Variants in GPHN observed in about 807,000 individuals in gnomAD.
The protein encoded by GPHN is gephyrin.
Under a neutral mutation model 95.5 loss-of-function variants are expected in GPHN, and 17 were observed. That is an observed-to-expected ratio of 0.18 (90% CI 0.12 to 0.27). The LOEUF is 0.27. GPHN is among the 10% of genes least tolerant of loss of function. The probability of loss-of-function intolerance (pLI) is 1.00; values close to 1 mark genes in which losing one functional copy is unlikely to be tolerated. For missense variants in GPHN, 660 were observed against 978.1 expected (o/e 0.67, Z 4.34); for synonymous variants, 320 against 322.5 (o/e 0.99, Z 0.08).
At chr14:67,114,290 A>G (rs138586289) in intron 16 of GPHN, among the ~76,000 whole-genome samples, 4 of 152,310 alleles carry the variant, frequency 2.6e-5, no homozygotes, top group African/African-American at 7.2e-5. Flanking sequence ...AGCATCAGAA[A>G]TAAATTTTTG....
At chr14:66,698,046 C>T (rs1007212562) in intron 2 of GPHN, among the ~76,000 whole-genome samples, 39 of 151,764 alleles carry the variant, frequency 2.6e-4, no homozygotes, top group Non-Finnish European at 2.9e-4. Context: ...ATGACCCATT[C>T]GAAAGCACTT....
intron 1 of GPHN, among the ~76,000 whole-genome samples, chr14:66,639,257 C>T (rs1218334752): frequency 6.6e-6 from 1 of 151,608 alleles, no homozygotes; most frequent in Non-Finnish European, 1.5e-5. Flanking sequence ...AAGAAGATGG[C>T]CATTTTCTCT....
intron 9 of GPHN, among the ~76,000 whole-genome samples, chr14:67,022,274 A>G (rs2073669365): frequency 1.3e-5 from 2 of 151,928 alleles, no homozygotes; most frequent in Non-Finnish European, 2.9e-5. Context: ...CTGTAATTCC[A>G]TACTTTATTT....
Position 66,929,406 on chromosome 14 carries a change from G to A in GPHN, c.828+5114G>A, listed in dbSNP as rs111597646. Among the ~76,000 whole-genome samples, 12 of 152,170 alleles carry A rather than the reference G, an allele frequency of 7.9e-5. 2 individuals carry two copies. Among genetic ancestry groups the A allele is most frequent in the African/African-American group, 2.9e-4 (12 of 41,506 alleles). Reference sequence around the variant, plus strand: ...TGTCCAATGTTTAAAGTGGGGTGTTGAAGTCTCCAGCTATTGGCATATTAG... The same window carrying A: ...TGTCCAATGTTTAAAGTGGGGTGTTAAAGTCTCCAGCTATTGGCATATTAG... On this transcript the variant is annotated intron_variant, in intron 8 of 22. Coordinates refer to ENST00000478722, the MANE Select transcript of GPHN (RefSeq NM_020806.5).
the GPHN span, among the ~76,000 whole-genome samples, chr14:67,661,559 G>T: frequency 7.1e-6 from 1 of 141,484 alleles, no homozygotes; most frequent in African/African-American, 2.7e-5. Flanking sequence ...TTTGAGGCAG[G>T]TCTCACTCTG....
At chr14:67,150,541 A>G (rs1197757268) in intron 18 of GPHN, among the ~76,000 whole-genome samples, 2 of 151,128 alleles carry the variant, frequency 1.3e-5, no homozygotes, top group Non-Finnish European at 2.9e-5. Context: ...TTATAATCTT[A>G]AATATTATAT....
chr14:67,560,148 T>G, the GPHN span, among the ~76,000 whole-genome samples: 1 of 152,128 alleles, frequency 6.6e-6, no homozygotes, highest in Non-Finnish European at 1.5e-5. Flanking sequence ...TGCCTCAGCC[T>G]CCCTGAGTAG....
At chr14:67,708,325 C>T in the GPHN span, among the ~76,000 whole-genome samples, 6 of 152,160 alleles carry the variant, frequency 3.9e-5, no homozygotes, top group African/African-American at 1.4e-4. Context: ...GCTTGATATT[C>T]GTGAACACTT....
chr14:67,722,363 A>G, the GPHN span: 2 of 540,470 alleles, frequency 3.7e-6, no homozygotes, highest in Admixed American at 6.2e-5. Context: ...GTTTCCCCAC[A>G]TTCTCTTTGC....
At chr14:66,571,671 C>T (rs577128375) in intron 1 of GPHN, among the ~76,000 whole-genome samples, 4 of 152,042 alleles carry the variant, frequency 2.6e-5, no homozygotes, top group Admixed American at 6.6e-5. Flanking sequence ...ATTAGCCAGG[C>T]GTGGTGGCAG....
chr14:66,641,293 G>A (rs1004771450), intron 1 of GPHN, among the ~76,000 whole-genome samples: 4 of 152,160 alleles, frequency 2.6e-5, no homozygotes, highest in Non-Finnish European at 4.4e-5. Flanking sequence ...TTGGGCAGTA[G>A]CAGCAAGCTG....
At chr14:67,328,142 C>G in the GPHN span, among the ~76,000 whole-genome samples, 1 of 152,184 alleles carries the variant, frequency 6.6e-6, no homozygotes, top group Non-Finnish European at 1.5e-5. Context: ...TCTCCAGCAC[C>G]TGTTGTTTCC....
At chr14:67,717,137 GT>G in the GPHN span, among the ~76,000 whole-genome samples, 5 of 151,852 alleles carry the variant, frequency 3.3e-5, no homozygotes, top group East Asian at 5.8e-4. Context: ...TATTTATTTA[GT>G]TTTTTTTCCT....
the GPHN span, among the ~76,000 whole-genome samples, chr14:67,514,355 T>C: frequency 2.0e-5 from 3 of 152,232 alleles, no homozygotes; most frequent in Non-Finnish European, 4.4e-5. Context: ...AATGTCTCCC[T>C]GCCCTTGCCA....
At chr14:66,570,005 C>G (rs2140351986) in intron 1 of GPHN, among the ~76,000 whole-genome samples, 1 of 151,616 alleles carries the variant, frequency 6.6e-6, no homozygotes, top group African/African-American at 2.4e-5. Context: ...CTGAGTTTCA[C>G]TTTTTTAGAT....
At chr14:67,477,137 G>A in the GPHN span, among the ~76,000 whole-genome samples, 1 of 149,084 alleles carries the variant, frequency 6.7e-6, no homozygotes, top group Non-Finnish European at 1.5e-5. Context: ...TTGCACTCCA[G>A]CCTGGACAAC....
the GPHN span, among the ~76,000 whole-genome samples, chr14:67,611,389 T>C: frequency 6.6e-6 from 1 of 151,786 alleles, no homozygotes; most frequent in Non-Finnish European, 1.5e-5. Context: ...GCCTCCCGAG[T>C]AGTTGGGACT....
At chr14:66,712,210 G>A (rs965836032) in intron 2 of GPHN, among the ~76,000 whole-genome samples, 1 of 152,220 alleles carries the variant, frequency 6.6e-6, no homozygotes, top group African/African-American at 2.4e-5. Flanking sequence ...CCCACCAACA[G>A]TGTAAAAGCA....
At chr14:67,610,181 G>C in the GPHN span, among the ~76,000 whole-genome samples, 4 of 152,186 alleles carry the variant, frequency 2.6e-5, no homozygotes, top group African/African-American at 4.8e-5. Flanking sequence ...CACATTCCCT[G>C]AGAAACCACC....
Sources: gnomAD v4.1 joint callset for allele counts (sites outside exome capture counted in the v4.1 genomes callset) on GRCh38, gnomAD v4.1.1 for gene constraint, MANE v1.5 for transcripts, NCBI Gene and HGNC (gene_info 2026-07-23, HGNC 2026-07-21) for gene names.